The following TSC22D1 variants were observed in gnomAD, a reference collection of about 807,000 sequenced individuals.
The protein encoded by TSC22D1 is TSC22 domain family member 1.
Under a neutral mutation model 74.2 loss-of-function variants are expected in TSC22D1, and 9 were observed. That is an observed-to-expected ratio of 0.12 (90% CI 0.07 to 0.21). The LOEUF is 0.21. Ranked by LOEUF, TSC22D1 falls within the 10% of genes least tolerant of loss-of-function variation. TSC22D1 has a pLI of 1.00. For synonymous variants in TSC22D1, 586 were observed against 492.5 expected, an observed-to-expected ratio of 1.19 and a Z score of -2.51; for missense variants, 1,427 against 1,304.7, an observed-to-expected ratio of 1.09 and a Z score of -1.44.
chr13:44,534,855 A>C (rs923078451), intron 1 of TSC22D1, among the ~76,000 whole-genome samples: 1 of 152,158 alleles, frequency 6.6e-6, no homozygotes, highest in East Asian at 1.9e-4. Context: ...AATCTGCAAA[A>C]ATTTTGCCAA....
At chr13:44,525,738 A>C (rs1232241131) in intron 1 of TSC22D1, among the ~76,000 whole-genome samples, 1 of 151,172 alleles carries the variant, frequency 6.6e-6, no homozygotes, top group Non-Finnish European at 1.5e-5. Context: ...GAAACTTCAT[A>C]CTCAAGTCCT....
chr13:44,499,016 A>G (rs547686357), intron 1 of TSC22D1, among the ~76,000 whole-genome samples: 4 of 152,364 alleles, frequency 2.6e-5, no homozygotes, highest in Non-Finnish European at 5.9e-5. Flanking sequence ...AAAATCCTTT[A>G]ATTAGTTTAG....
At chr13:44,537,142 C>T (rs1287041917) in intron 1 of TSC22D1, 3 of 882,298 alleles carry the variant, frequency 3.4e-6, no homozygotes, top group Non-Finnish European at 4.1e-6. Context: ...TTCAAATTAT[C>T]ACATAATACA....
intron 1 of TSC22D1, among the ~76,000 whole-genome samples, chr13:44,469,930 C>A (rs1450861083): frequency 6.6e-6 from 1 of 152,090 alleles, no homozygotes; most frequent in Non-Finnish European, 1.5e-5. Flanking sequence ...CTCCATTACC[C>A]CTTGAGGACT....
intron 1 of TSC22D1, among the ~76,000 whole-genome samples, chr13:44,521,803 A>G (rs947598695): frequency 6.7e-4 from 102 of 152,232 alleles, no homozygotes; most frequent in African/African-American, 2.2e-3. Flanking sequence ...CTTGTTTTCC[A>G]AAACTACAAC....
chr13:44,476,153 G>C (rs1245491198), intron 1 of TSC22D1, among the ~76,000 whole-genome samples: 1 of 152,008 alleles, frequency 6.6e-6, no homozygotes, highest in African/African-American at 2.4e-5. Flanking sequence ...ACATCTTAAG[G>C]GATATGGAGT....
chr13:44,472,331 C>T (rs1877652076), intron 1 of TSC22D1, among the ~76,000 whole-genome samples: 1 of 152,182 alleles, frequency 6.6e-6, no homozygotes, highest in South Asian at 2.1e-4. Context: ...TTAACAAATA[C>T]TGGTCATCTC....
At chr13:44,539,091 G>T (rs906201007) in intron 1 of TSC22D1, 1 of 985,222 alleles carries the variant, frequency 1.0e-6, no homozygotes, top group Non-Finnish European at 1.2e-6. Flanking sequence ...ATGCCATGGG[G>T]GAAATCTAGG....
chr13:44,570,436 C>T (rs1883681964), intron 1 of TSC22D1, among the ~76,000 whole-genome samples: 1 of 152,090 alleles, frequency 6.6e-6, no homozygotes, highest in South Asian at 2.1e-4. Flanking sequence ...AAGCAATCTG[C>T]CCACCTCAGC....
At chr13:44,456,555 C>G (rs778127031) in intron 1 of TSC22D1, among the ~76,000 whole-genome samples, 49 of 152,300 alleles carry the variant, frequency 3.2e-4, no homozygotes, top group Non-Finnish European at 6.0e-4. Flanking sequence ...AGTCCCCACC[C>G]GACCCAGAAG....
intron 1 of TSC22D1, among the ~76,000 whole-genome samples, chr13:44,474,671 A>G (rs1877796273): frequency 6.6e-6 from 1 of 152,006 alleles, no homozygotes; most frequent in African/African-American, 2.4e-5. Flanking sequence ...GAAGAGGAAG[A>G]GAAAGGATGA....
chr13:44,475,154 T>C (rs890274517), intron 1 of TSC22D1, among the ~76,000 whole-genome samples: 3 of 152,106 alleles, frequency 2.0e-5, no homozygotes, highest in African/African-American at 7.2e-5. Flanking sequence ...GGAAAATGTA[T>C]GTAATTAGTA....
intron 1 of TSC22D1, among the ~76,000 whole-genome samples, chr13:44,453,294 C>CTTA (rs1876304488): frequency 1.8e-3 from 1 of 560 alleles, no homozygotes. Context: ...CTTAATATAA[C>CTTA]TTTTTTGCAT....
chr13:44,555,585 G>A (rs1233191367), intron 1 of TSC22D1, among the ~76,000 whole-genome samples: 2 of 152,018 alleles, frequency 1.3e-5, no homozygotes, highest in East Asian at 1.9e-4. Context: ...CAACTTGGGC[G>A]ACAGCAAAAG....
intron 1 of TSC22D1, among the ~76,000 whole-genome samples, chr13:44,480,072 G>A (rs906610624): frequency 7.3e-5 from 11 of 150,654 alleles, no homozygotes; most frequent in Non-Finnish European, 1.6e-4. Context: ...GAAAAATAGT[G>A]TTAATAACAA....
In TSC22D1 at chr13:44,575,689, T is replaced by C. The variant is rs139327734; in HGVS notation, c.386A>G (p.Asn129Ser). 10 of 1,614,074 alleles carry C rather than the reference T, an allele frequency of 6.2e-6. No homozygotes were observed. The highest frequency in any genetic ancestry group is 5.3e-5 in the African/African-American group (4 of 74,914). Residue 129 changes from asparagine to serine, a missense_variant, in exon 1 of 3, where the codon AAC becomes AGC. By Grantham distance (46) the Asn-to-Ser change is conservative. Transcript: ENST00000458659. ...GCTCTCAGTGTCCTCTGCTATACTG[T>C]TGTTAGAGCTGATACTAGCGGAGAT... ...AQISASISSNNSIAEDTESYD... is the reference protein window; with the variant it reads ...AQISASISSNSSIAEDTESYD...
intron 1 of TSC22D1, among the ~76,000 whole-genome samples, chr13:44,499,503 A>G (rs1879127552): frequency 2.6e-5 from 4 of 152,196 alleles, no homozygotes; most frequent in Admixed American, 2.6e-4. Flanking sequence ...GTTCAAATCC[A>G]ATCTAATTCT....
chr13:44,500,671 T>C (rs1314583199), intron 1 of TSC22D1, among the ~76,000 whole-genome samples: 1 of 152,126 alleles, frequency 6.6e-6, no homozygotes, highest in Non-Finnish European at 1.5e-5. Flanking sequence ...ATTTTTCAGT[T>C]TCTTTCTATG....
intron 1 of TSC22D1, among the ~76,000 whole-genome samples, chr13:44,438,807 T>G (rs958936515): frequency 1.3e-5 from 2 of 152,200 alleles, no homozygotes; most frequent in African/African-American, 4.8e-5. Flanking sequence ...AACCAGAATA[T>G]TATTTACTAC....
Sources: gnomAD v4.1 joint callset for allele counts (sites outside exome capture counted in the v4.1 genomes callset) on GRCh38, gnomAD v4.1.1 for gene constraint, MANE v1.5 for transcripts, NCBI Gene and HGNC (gene_info 2026-07-23, HGNC 2026-07-21) for gene names.